FBN2: variants seen among roughly 807,000 people sequenced by gnomAD.
FBN2 encodes fibrillin-2.
FBN2 carries 105 observed loss-of-function variants against 355.6 expected under a neutral mutation model. The observed-to-expected ratio is 0.30, with a 90% CI of 0.25 to 0.35. The LOEUF (loss-of-function observed/expected upper bound fraction) is 0.35. Ranked by LOEUF, FBN2 falls within the 10% of genes least tolerant of loss-of-function variation. FBN2 has a pLI of 1.00. For missense variants in FBN2, 3,280 were observed against 3,758.7 expected, an observed-to-expected ratio of 0.87 and a Z score of 3.33; for synonymous variants, 1,350 against 1,301.2, an observed-to-expected ratio of 1.04 and a Z score of -0.81.
At chr5:128,343,422 T>C (rs569228858) in intron 25 of FBN2, among the ~76,000 whole-genome samples, 2 of 152,042 alleles carry the variant, frequency 1.3e-5, no homozygotes, top group African/African-American at 4.8e-5. Flanking sequence ...AGCTCAGAGA[T>C]AGCCTTGGCT....
chr5:128,319,110 G>C (rs1429730184), intron 34 of FBN2, 109 bp from the exon 35 acceptor site: 3 of 863,262 alleles, frequency 3.5e-6, no homozygotes, highest in Non-Finnish European at 5.5e-6. Flanking sequence ...TTTTTATTCA[G>C]TAAGGCTTTT....
chr5:128,291,451 T>C (rs1749319343), intron 49 of FBN2, 78 bp downstream of exon 49: 13 of 1,515,122 alleles, frequency 8.6e-6, no homozygotes, highest in East Asian at 2.3e-5. Context: ...TTAGGACTAA[T>C]ACCAGCATGA....
At position 128,400,310 on chromosome 5, in the gene FBN2, T is replaced by G. The variant is rs1273281338; in HGVS notation, c.1079-5036A>C. Reference sequence around the variant, plus strand: ...AATACATAATTTTAAAACGGTTCAATTCACCAGGAAAATATGGCAGATACT... The same window carrying G: ...AATACATAATTTTAAAACGGTTCAAGTCACCAGGAAAATATGGCAGATACT... On this transcript the variant is annotated intron_variant, in intron 8 of 64. Coordinates refer to ENST00000262464, the MANE Select transcript of FBN2 (RefSeq NM_001999.4). Among the ~76,000 whole-genome samples, 5 of 152,146 alleles carry G rather than the reference T, an allele frequency of 3.3e-5. No homozygotes were observed. The East Asian group carries it at 9.7e-4, about 29-fold the overall frequency.
rs1751106429 is a variant in FBN2, at chr5:128,344,257, G to T, written c.3343+128C>A. ...CTAAGTGAGACCTTTTCTCTAAAAA[G>T]AAATTAATAAATAAATAAAAATTTT... On this transcript the variant is annotated intron_variant, in intron 25 of 64. Coordinates refer to ENST00000262464, the MANE Select transcript of FBN2 (RefSeq NM_001999.4). 9 of 995,298 alleles carry T rather than the reference G, an allele frequency of 9.0e-6. No individual in the cohort carries two copies. The East Asian group carries it at 1.1e-4, about 12-fold the overall frequency. The allele number at this position is 995,298 out of a possible 1,614,324, so 61.7% of individuals were successfully genotyped here.
At chr5:128,447,567 A>G (rs567036592) in intron 6 of FBN2, among the ~76,000 whole-genome samples, 1 of 152,322 alleles carries the variant, frequency 6.6e-6, no homozygotes, top group African/African-American at 2.4e-5. Context: ...GTTATCAATG[A>G]CAATGCATGC....
intron 8 of FBN2, among the ~76,000 whole-genome samples, chr5:128,398,701 A>C (rs1752713590): frequency 1.3e-5 from 2 of 152,306 alleles, no homozygotes; most frequent in African/African-American, 4.8e-5. Context: ...ACCTGTGTAC[A>C]TCTGATATGG....
In FBN2 at chr5:128,537,494, G is replaced by A; in HGVS notation, c.110C>T (p.Pro37Leu). The A allele has an allele frequency of 1.3e-6, 2 of 1,585,710 alleles. No individual in the cohort carries two copies. The highest frequency in any genetic ancestry group is 1.7e-6 in the Non-Finnish European group (2 of 1,168,696). ...AGQPQPPPPK[P>L]PRPQPPPQQV... ...TTGCGGCGGCGGCTGGGGCCGGGGC[G>A]GCTTGGGCGGAGGAGGCTGAGGCTG... The change falls in exon 1 of 65, where the codon CCG becomes CTG. Residue 37 changes from proline (P) to leucine (L), a missense_variant. This residue lies in a region of FBN2 where 203 missense variants were observed against 142.2 expected (regional missense o/e 1.43). Transcript: ENST00000262464.
intron 48 of FBN2, among the ~76,000 whole-genome samples, chr5:128,293,286 G>A (rs1030314361): frequency 1.3e-5 from 2 of 152,166 alleles, no homozygotes; most frequent in Non-Finnish European, 2.9e-5. Flanking sequence ...GAGGTCAGGA[G>A]TTCGAGACCA....
rs1162002062 is a variant in FBN2 at position 128,369,233 on chromosome 5, G to A, written c.2197C>T (p.Pro733Ser). The change falls in exon 16 of 65, where the codon CCA becomes TCA. Residue 733 changes from proline (P) to serine (S), a missense_variant. This residue lies in a region of FBN2 where 2,284 missense variants were observed against 2,749.5 expected (regional missense o/e 0.83). Coordinates refer to ENST00000262464, the MANE Select transcript of FBN2 (RefSeq NM_001999.4). The stretch of plus-strand genomic sequence containing the variant: ...CAGGGTTCTCCAAAACCATAGTCTG[G>A]ATTGGCACAGCAGCATTCGGACTTG... ...VTKSECCCANPDYGFGEPCQP... is the reference protein window; with the variant it reads ...VTKSECCCANSDYGFGEPCQP... The A allele has an allele frequency of 3.7e-6, 6 of 1,614,084 alleles. No individual in the cohort carries two copies. In the South Asian group the frequency reaches 5.5e-5, roughly 15 times the overall value.
At chr5:128,304,513 T>C (rs758123937) in intron 45 of FBN2, among the ~76,000 whole-genome samples, 10 of 152,204 alleles carry the variant, frequency 6.6e-5, no homozygotes, top group African/African-American at 2.4e-4. Flanking sequence ...CAATTTGTTT[T>C]AAAAAAGTAT....
intron 26 of FBN2, 107 bp downstream of exon 26, chr5:128,338,826 T>C (rs1217637925): frequency 1.6e-6 from 2 of 1,231,440 alleles, no homozygotes; most frequent in Non-Finnish European, 2.4e-6. Context: ...CCACAGATGC[T>C]GGCCACACAT....
chr5:128,521,464 G>A (rs1237506339), intron 4 of FBN2, among the ~76,000 whole-genome samples: 2 of 151,980 alleles, frequency 1.3e-5, no homozygotes, highest in South Asian at 4.1e-4. Context: ...AACCACCATG[G>A]CACACATTTA....
chr5:128,328,780 C>T lies in FBN2; in HGVS notation c.4387G>A (p.Gly1463Arg), dbSNP rs762376109. 10 of 1,614,078 alleles carry T rather than the reference C, an allele frequency of 6.2e-6. No individual in the cohort carries two copies. Among genetic ancestry groups the T allele is most frequent in the East Asian group, 2.2e-5 (1 of 44,878 alleles). The stretch of plus-strand genomic sequence containing the variant: ...GCACCCGGGACATTAAGGCACTGTC[C>T]GTTCTCACAGAGGTTTATGTTTTCT... ...CAENINLCEN[G>R]QCLNVPGAYR... The change falls in exon 34 of 65, where the codon GGA becomes AGA. Residue 1463 changes from glycine (G) to arginine (R), a missense_variant. Physicochemically the swap from Gly to Arg is moderately radical, Grantham distance 125. This residue lies in a region of FBN2 where 2,284 missense variants were observed against 2,749.5 expected (regional missense o/e 0.83). Coordinates refer to ENST00000262464, the MANE Select transcript of FBN2 (RefSeq NM_001999.4).
At chr5:128,474,342 G>A (rs1581328021) in intron 5 of FBN2, among the ~76,000 whole-genome samples, 1 of 152,070 alleles carries the variant, frequency 6.6e-6, no homozygotes, top group Non-Finnish European at 1.5e-5. Context: ...CACAAAAGAT[G>A]GATCATAAGC....
chr5:128,424,323 T>C (rs2127020762), intron 7 of FBN2, among the ~76,000 whole-genome samples: 1 of 152,256 alleles, frequency 6.6e-6, no homozygotes. Flanking sequence ...ATCCCTAGAT[T>C]AGAAGGTGTT....
chr5:128,353,271 G>A (rs904537734), intron 20 of FBN2, among the ~76,000 whole-genome samples: 3 of 152,130 alleles, frequency 2.0e-5, no homozygotes, highest in African/African-American at 7.2e-5. Context: ...GCCTATGATG[G>A]CAGAAATAGT....
At position 128,388,120 on chromosome 5, in the gene FBN2, T is replaced by C. The variant is rs568011075; in HGVS notation, c.1603+3898A>G. Among the ~76,000 whole-genome samples, 6 of 152,310 alleles carry C rather than the reference T, an allele frequency of 3.9e-5. No individual in the cohort carries two copies. In the East Asian group the frequency reaches 1.2e-3, roughly 29 times the overall value. ...TGGCCTTCTTTGTCTTTTTTGATCA[T>C]TGTTGGTTTAAAGTCTGTTTTGTCT... On this transcript the variant is annotated intron_variant, in intron 11 of 64. Coordinates refer to ENST00000262464, the MANE Select transcript of FBN2 (RefSeq NM_001999.4).
intron 5 of FBN2, among the ~76,000 whole-genome samples, chr5:128,469,324 G>T (rs1404747213): frequency 6.6e-6 from 1 of 152,086 alleles, no homozygotes; most frequent in African/African-American, 2.4e-5. Flanking sequence ...CTGGAGAGGA[G>T]ATCAAGACCA....
chr5:128,334,644 A>G, intron 31 of FBN2, 75 bp downstream of exon 31: 2 of 1,514,822 alleles, frequency 1.3e-6, no homozygotes, highest in Non-Finnish European at 1.8e-6. Flanking sequence ...GAGATGCCAG[A>G]GAACAAATGA....
Sources: allele counts gnomAD v4.1 joint callset (sites outside exome capture counted in the v4.1 genomes callset), GRCh38; gene constraint gnomAD v4.1.1; regional missense constraint gnomAD v4.1.1; transcripts MANE v1.5; gene names NCBI Gene and HGNC (gene_info 2026-07-23, HGNC 2026-07-21).